CDKL5: variants seen among roughly 807,000 people sequenced by gnomAD.
CDKL5 encodes the protein cyclin dependent kinase like 5, also known as cyclin-dependent kinase-like 5.
A neutral mutation model predicts 61.7 loss-of-function variants in CDKL5; 8 were observed. The ratio of observed to expected loss-of-function variants is 0.13; its 90% CI spans 0.08 to 0.23. The LOEUF is 0.23. CDKL5 is among the 10% of genes least tolerant of loss of function. The pLI, the probability that CDKL5 is intolerant of heterozygous loss-of-function variation, is 1.00. For missense variants in CDKL5, 440 were observed against 734.5 expected (o/e 0.60, Z 4.63); for synonymous variants, 275 against 272.3 (o/e 1.01, Z -0.10).
At chrX:18,603,778 G>A (rs1926249323) in intron 11 of CDKL5, 124 bp from the exon 12 acceptor site, 1 of 842,776 alleles carries the variant, frequency 1.2e-6, no homozygotes, top group Admixed American at 2.2e-5. Context: ...GAAGGCACAT[G>A]CTTGAGAGAA....
chrX:18,547,771 T>TA (rs1322287961), intron 3 of CDKL5, among the ~76,000 whole-genome samples: 1 of 111,995 alleles, frequency 8.9e-6, no homozygotes, highest in Non-Finnish European at 1.9e-5. Flanking sequence ...TTTAGTTACA[T>TA]ACGTAAGATA....
chrX:18,557,057 GT>G (rs2041128615), intron 3 of CDKL5, among the ~76,000 whole-genome samples: 2 of 110,992 alleles, frequency 1.8e-5, no homozygotes, highest in Admixed American at 1.9e-4. Context: ...TAGTTATGAA[GT>G]TATATTCCCT....
At chrX:18,444,266 A>G (rs1331363832) in intron 1 of CDKL5, among the ~76,000 whole-genome samples, 2 of 109,380 alleles carry the variant, frequency 1.8e-5, no homozygotes, top group African/African-American at 6.7e-5. Flanking sequence ...ATGTTTTGGG[A>G]TTTTTCATCA....
intron 3 of CDKL5, among the ~76,000 whole-genome samples, chrX:18,522,931 G>C (rs1363319236): frequency 9.5e-6 from 1 of 105,236 alleles, no homozygotes; most frequent in Non-Finnish European, 1.9e-5. Context: ...ATGCAGCTGG[G>C]ATTACAGGTG....
At position 18,622,288 on chromosome X, in the gene CDKL5, G is replaced by A. The variant is rs893407801; in HGVS notation, c.2376+2322G>A. Among the ~76,000 whole-genome samples, 4 of 112,165 alleles carry A rather than the reference G, an allele frequency of 3.6e-5. No individual in the cohort carries two copies. In the Admixed American group the frequency reaches 3.8e-4, roughly 11 times the overall value. ...CATAAGTTTCCTTTTTGATATTAAA[G>A]TAACTGTAGAATATCTCTGCATAGG... is the stretch of plus-strand genomic sequence containing the variant. On this transcript the variant is annotated intron_variant, in intron 16 of 17. Transcript: ENST00000623535.
intron 3 of CDKL5, among the ~76,000 whole-genome samples, chrX:18,533,774 C>T (rs1923728599): frequency 9.0e-6 from 1 of 111,671 alleles, no homozygotes; most frequent in Non-Finnish European, 1.9e-5. Context: ...GCCTGTTCCT[C>T]TCTCCAGAGA....
intron 3 of CDKL5, among the ~76,000 whole-genome samples, chrX:18,553,465 C>CTTGTGTGT (rs1459635424): frequency 9.4e-4 from 85 of 90,834 alleles, no homozygotes; most frequent in African/African-American, 3.2e-3. Flanking sequence ...TGTGTGTGTG[C>CTTGTGTGT]GTGTGTGTGT....
At chrX:18,561,888 C>T (rs1250848901) in intron 3 of CDKL5, among the ~76,000 whole-genome samples, 1 of 111,487 alleles carries the variant, frequency 9.0e-6, no homozygotes. Context: ...ATTAACCATG[C>T]TCAGGCTAAG....
intron 5 of CDKL5, among the ~76,000 whole-genome samples, chrX:18,577,355 G>A (rs1186686076): frequency 9.0e-6 from 1 of 111,483 alleles, no homozygotes; most frequent in African/African-American, 3.3e-5. Flanking sequence ...CCCCGATCCT[G>A]TGGTTCTTAG....
intron 15 of CDKL5, among the ~76,000 whole-genome samples, chrX:18,618,994 C>CA (rs1334275085): frequency 9.0e-6 from 1 of 110,695 alleles, no homozygotes; most frequent in Non-Finnish European, 1.9e-5. Flanking sequence ...AAAATAAAGA[C>CA]TCTTAAGTTT....
At chrX:18,523,562 G>A (rs1452792640) in intron 3 of CDKL5, among the ~76,000 whole-genome samples, 1 of 111,684 alleles carries the variant, frequency 9.0e-6, no homozygotes, top group Admixed American at 9.5e-5. Flanking sequence ...CGAACAAAAT[G>A]TGTTGTATAC....
chrX:18,649,551 C>T (rs767122779), intron 20 of CDKL5, among the ~76,000 whole-genome samples: 1 of 111,670 alleles, frequency 9.0e-6, no homozygotes, highest in Non-Finnish European at 1.9e-5. Flanking sequence ...CCCCAATGCA[C>T]GAAAGGAATA....
Position 18,506,957 on chromosome X carries a change from T to C in CDKL5, c.-140T>C. The C allele has an allele frequency of 2.0e-6, 1 of 499,308 alleles. No homozygotes were observed. Among genetic ancestry groups the C allele is most frequent in the Admixed American group, 3.0e-5 (1 of 33,647 alleles). 41.1% of individuals were successfully genotyped at this position (499,308 alleles called of 1,213,427 possible). On this transcript the variant is annotated 5_prime_UTR_variant, in exon 2 of 18. Coordinates refer to ENST00000623535, the MANE Select transcript of CDKL5 (RefSeq NM_001323289.2). ...CAGGGAGTCATTTAATACTTCATGATTAGAACAAATATGTGAAAGTTCCCA... is the reference window on the plus strand; with the variant it reads ...CAGGGAGTCATTTAATACTTCATGACTAGAACAAATATGTGAAAGTTCCCA...
intron 3 of CDKL5, among the ~76,000 whole-genome samples, chrX:18,561,467 A>G (rs931757020): frequency 1.8e-5 from 2 of 111,373 alleles, no homozygotes; most frequent in African/African-American, 6.5e-5. Context: ...TCATGTATCT[A>G]TAATTACAAA....
At position 18,608,834 on chromosome X, in the gene CDKL5, G is replaced by A. The variant is rs1451908414; in HGVS notation, c.1968G>A (p.Glu656=). Residue 656 remains glutamate (E), a synonymous_variant, in exon 13 of 18, where the codon GAG becomes GAA. Coordinates refer to ENST00000623535, the MANE Select transcript of CDKL5 (RefSeq NM_001323289.2). ...SPQPGEQLPP[E]MTVARSSVKE... ...AGCCTGGAGAACAGCTCCCTCCAGA[G>A]ATGACTGTGGCAAGATCTTCGGTCA... 1.7e-6 allele frequency: 2 copies of A among 1,207,099 alleles called. No individual in the cohort carries two copies. The highest frequency in any genetic ancestry group is 4.4e-5 in the Admixed American group (2 of 45,966).
intron 1 of CDKL5, among the ~76,000 whole-genome samples, chrX:18,502,849 T>C (rs769318882): frequency 1.8e-5 from 2 of 112,100 alleles, no homozygotes; most frequent in African/African-American, 3.2e-5. Context: ...TCTTTCTTAC[T>C]CTTTTCTTTT....
intron 3 of CDKL5, among the ~76,000 whole-genome samples, chrX:18,515,480 C>A (rs1180725191): frequency 9.0e-6 from 1 of 111,407 alleles, no homozygotes; most frequent in Non-Finnish European, 1.9e-5. Flanking sequence ...AATAATCTTA[C>A]GTTAGAGAAC....
intron 1 of CDKL5, among the ~76,000 whole-genome samples, chrX:18,495,407 A>C (rs1922132800): frequency 8.9e-6 from 1 of 112,377 alleles, no homozygotes; most frequent in African/African-American, 3.2e-5. Context: ...CTAATACAGA[A>C]ACATTGCTTA....
intron 9 of CDKL5, among the ~76,000 whole-genome samples, chrX:18,594,645 G>C (rs1220061986): frequency 8.9e-6 from 1 of 112,065 alleles, no homozygotes; most frequent in Non-Finnish European, 1.9e-5. Flanking sequence ...TATCCTTTCT[G>C]CTAGACCCTC....
Sources: gnomAD v4.1 joint callset for allele counts (sites outside exome capture counted in the v4.1 genomes callset) on GRCh38, gnomAD v4.1.1 for gene constraint, MANE v1.5 for transcripts, NCBI Gene and HGNC (gene_info 2026-07-23, HGNC 2026-07-21) for gene names.